The following ST3GAL1 variants were observed in gnomAD, a reference collection of about 807,000 sequenced individuals.
ST3GAL1 encodes ST3 beta-galactoside alpha-2,3-sialyltransferase 1.
ST3GAL1 carries 16 observed loss-of-function variants against 34.1 expected under a neutral mutation model. The observed-to-expected ratio is 0.47, with a 90% CI of 0.32 to 0.71. The LOEUF (loss-of-function observed/expected upper bound fraction) is 0.71. ST3GAL1 is among the 30% of genes least tolerant of loss of function. The pLI, the probability that ST3GAL1 is intolerant of heterozygous loss-of-function variation, is 0.04. For synonymous variants in ST3GAL1, 191 were observed against 184.7 expected (o/e 1.03, Z -0.28); for missense variants, 353 against 447.4 (o/e 0.79, Z 1.90).
chr8:133,567,183 G>C (rs1666099089), intron 1 of ST3GAL1: 1 of 152,164 alleles, frequency 6.6e-6, no homozygotes, highest in African/African-American at 2.4e-5. Context: ...ATTTTGCTTA[G>C]CACCTGTGTA....
At chr8:133,519,252 C>A (rs1003468045) in intron 2 of ST3GAL1, among the ~76,000 whole-genome samples, 2 of 152,112 alleles carry the variant, frequency 1.3e-5, no homozygotes, top group Admixed American at 1.3e-4. Context: ...ACAGTGATGC[C>A]AAGTGTTAGC....
At chr8:133,544,593 A>T (rs1818625302) in intron 2 of ST3GAL1, among the ~76,000 whole-genome samples, 1 of 152,202 alleles carries the variant, frequency 6.6e-6, no homozygotes, top group Non-Finnish European at 1.5e-5. Context: ...CCCCTTGGGA[A>T]CACAGAAGCG....
intron 5 of ST3GAL1, among the ~76,000 whole-genome samples, chr8:133,472,407 G>C (rs371288481): frequency 6.6e-6 from 1 of 152,036 alleles, no homozygotes; most frequent in South Asian, 2.1e-4. Context: ...CTCCCACCAG[G>C]TCCCTCCCAC....
At chr8:133,480,110 G>C (rs1399122104) in intron 3 of ST3GAL1, among the ~76,000 whole-genome samples, 1 of 152,200 alleles carries the variant, frequency 6.6e-6, no homozygotes, top group East Asian at 1.9e-4. Flanking sequence ...GGAAGGATGG[G>C]GAAGGAGGGA....
intron 2 of ST3GAL1, among the ~76,000 whole-genome samples, chr8:133,500,121 C>T (rs1228091019): frequency 6.6e-6 from 1 of 152,194 alleles, no homozygotes; most frequent in East Asian, 1.9e-4. Context: ...TCATGCTCTA[C>T]CCACAGCTGG....
At chr8:133,503,432 G>T (rs142975328) in intron 2 of ST3GAL1, among the ~76,000 whole-genome samples, 1 of 152,112 alleles carries the variant, frequency 6.6e-6, no homozygotes. Flanking sequence ...TTCAGTGCCT[G>T]TAACAATTAG....
chr8:133,540,106 G>A (rs576977420), intron 2 of ST3GAL1, among the ~76,000 whole-genome samples: 3 of 152,098 alleles, frequency 2.0e-5, no homozygotes, highest in East Asian at 3.9e-4. Context: ...TTTCACTCAC[G>A]CCACTTGGAT....
intron 9 of ST3GAL1, 142 bp from the exon 10 acceptor site, chr8:133,460,079 A>C: frequency 1.2e-6 from 1 of 803,446 alleles, no homozygotes; most frequent in Non-Finnish European, 1.8e-6. Context: ...TTCATTAAAA[A>C]CCCTTCTCTA....
At chr8:133,515,080 C>A (rs1439333448) in intron 2 of ST3GAL1, among the ~76,000 whole-genome samples, 1 of 152,194 alleles carries the variant, frequency 6.6e-6, no homozygotes, top group Non-Finnish European at 1.5e-5. Flanking sequence ...CCACCCTCTG[C>A]CAGCTTCTTC....
chr8:133,531,806 T>TAG (rs1818162438), intron 2 of ST3GAL1, among the ~76,000 whole-genome samples: 1 of 105,324 alleles, frequency 9.5e-6, no homozygotes. Flanking sequence ...TCCCGAAACT[T>TAG]AAAAACAGAA....
intron 3 of ST3GAL1, among the ~76,000 whole-genome samples, chr8:133,490,310 C>T (rs984288167): frequency 4.7e-5 from 3 of 63,348 alleles, no homozygotes; most frequent in African/African-American, 1.1e-4. Flanking sequence ...GCTCCACTGC[C>T]GTACCTCACC....
intron 1 of ST3GAL1, among the ~76,000 whole-genome samples, chr8:133,555,216 G>A (rs1286935805): frequency 6.6e-6 from 1 of 152,056 alleles, no homozygotes; most frequent in African/African-American, 2.4e-5. Context: ...CAGCCTGGCC[G>A]GGCTTTAGTT....
chr8:133,507,118 G>A (rs1586627215), intron 2 of ST3GAL1, among the ~76,000 whole-genome samples: 1 of 152,252 alleles, frequency 6.6e-6, no homozygotes, highest in East Asian at 1.9e-4. Flanking sequence ...TAAGAAACGT[G>A]TTCTAGACTC....
Position 133,458,302 on chromosome 8 carries a change from T to TA in ST3GAL1, c.*1461dup, listed in dbSNP as rs142441475. The TA allele has an allele frequency of 0.22, 33,242 of 151,568 alleles. 3,919 individuals carry two copies. Among genetic ancestry groups the TA allele is most frequent in the African/African-American group, 0.27 (11,178 of 41,236 alleles). 9.4% of individuals were successfully genotyped at this position (151,568 alleles called of 1,614,324 possible). On this transcript the variant is annotated 3_prime_UTR_variant, in exon 10 of 10. Transcript: ENST00000522652. ...CAGGGTGCAAACAATGTCAGTTGAA[T>TA]AAAAAAAAGAAATCAATAAATAATC...
chr8:133,534,187 G>A (rs1818238414), intron 2 of ST3GAL1, among the ~76,000 whole-genome samples: 1 of 152,040 alleles, frequency 6.6e-6, no homozygotes, highest in South Asian at 2.1e-4. Context: ...AGACCCAAAG[G>A]CCTTCCCTTC....
rs181134606 is a variant in ST3GAL1 at position 133,527,833 on chromosome 8, G to A, written c.-429+17941C>T. Among the ~76,000 whole-genome samples, 638 of 152,230 alleles carry A rather than the reference G, an allele frequency of 4.2e-3. 2 individuals carry two copies. Among genetic ancestry groups the A allele is most frequent in the African/African-American group, 0.014 (599 of 41,548 alleles). On this transcript the variant is annotated intron_variant, in intron 2 of 9. Coordinates refer to ENST00000522652, the MANE Select transcript of ST3GAL1 (RefSeq NM_173344.3). Reference sequence around the variant, plus strand: ...CTTGAAGTCAATCCAGATGGGCTCTGGCCACCCCAGGGGACTGAGCCCATT... The same window carrying A: ...CTTGAAGTCAATCCAGATGGGCTCTAGCCACCCCAGGGGACTGAGCCCATT...
chr8:133,514,274 C>A (rs909719684), intron 2 of ST3GAL1, among the ~76,000 whole-genome samples: 1 of 152,158 alleles, frequency 6.6e-6, no homozygotes, highest in Non-Finnish European at 1.5e-5. Flanking sequence ...TTCATAGGAC[C>A]ATTTCCCACC....
intron 3 of ST3GAL1, among the ~76,000 whole-genome samples, chr8:133,496,191 T>C (rs530681715): frequency 1.1e-4 from 16 of 152,264 alleles, no homozygotes; most frequent in South Asian, 2.1e-4. Context: ...TCAGATAAAA[T>C]TGCATCCTGA....
intron 2 of ST3GAL1, among the ~76,000 whole-genome samples, chr8:133,500,865 C>T (rs1563716279): frequency 6.6e-6 from 1 of 152,126 alleles, no homozygotes; most frequent in Non-Finnish European, 1.5e-5. Context: ...TTCCTGTTTC[C>T]CTGATGAGGA....
Sources: gnomAD v4.1 joint callset for allele counts (sites outside exome capture counted in the v4.1 genomes callset) on GRCh38, gnomAD v4.1.1 for gene constraint, MANE v1.5 for transcripts, NCBI Gene and HGNC (gene_info 2026-07-23, HGNC 2026-07-21) for gene names.